ADAMTSL1: variants seen among roughly 807,000 people sequenced by gnomAD.
The protein encoded by ADAMTSL1 is ADAMTS-like protein 1.
Under a neutral mutation model 201.8 loss-of-function variants are expected in ADAMTSL1, and 126 were observed. The ratio of observed to expected loss-of-function variants is 0.62; its 90% confidence interval spans 0.54 to 0.72. The LOEUF (loss-of-function observed/expected upper bound fraction) is 0.72, where lower values mean the gene tolerates loss of function less well. Ranked by LOEUF, ADAMTSL1 falls within the 30% of genes least tolerant of loss-of-function variation. ADAMTSL1 has a pLI of 0.00. For missense variants in ADAMTSL1, 2,679 were observed against 2,277.8 expected (o/e 1.18, Z -3.59); for synonymous variants, 1,121 against 903.4 (o/e 1.24, Z -4.32).
intron 2 of ADAMTSL1, among the ~76,000 whole-genome samples, chr9:18,316,029 G>T (rs1224604683): frequency 1.3e-5 from 2 of 152,136 alleles, no homozygotes; most frequent in African/African-American, 4.8e-5. Context: ...GCTGGGCGTC[G>T]GGGGAGACAT....
chr9:18,453,175 A>G (rs1332151758), intron 2 of ADAMTSL1, among the ~76,000 whole-genome samples: 1 of 152,174 alleles, frequency 6.6e-6, no homozygotes, highest in Non-Finnish European at 1.5e-5. Context: ...GAGCAGTAGG[A>G]TGAGCCTCAC....
At chr9:18,584,488 C>T (rs1362070629) in intron 4 of ADAMTSL1, among the ~76,000 whole-genome samples, 1 of 152,172 alleles carries the variant, frequency 6.6e-6, no homozygotes, top group Non-Finnish European at 1.5e-5. Flanking sequence ...GAAAGTTCTA[C>T]TTTCCACTCA....
Position 18,753,316 on chromosome 9 carries a change from G to A in ADAMTSL1, c.2025G>A (p.Trp675Ter), listed in dbSNP as rs1468134931. ...PCPARWEIGK[W>*]SPCSLTCGVG... ...TTCTCAGGTGGGAAATTGGCAAGTG[G>A]AGTCCATGTAGTCTCACATGTGGGG... The change falls in exon 16 of 29, where the codon TGG becomes TGA. Residue 675 changes from tryptophan to a stop codon, truncating the protein, a stop_gained. Transcript: ENST00000380548. LOFTEE classifies it high-confidence loss of function. 6.2e-7 allele frequency: 1 copy of A among 1,611,842 alleles called. No homozygotes were observed. The highest frequency in any genetic ancestry group is 1.1e-5 in the South Asian group (1 of 90,420).
At chr9:18,055,828 C>T (rs572855201) in intron 1 of ADAMTSL1, among the ~76,000 whole-genome samples, 5 of 152,312 alleles carry the variant, frequency 3.3e-5, no homozygotes, top group African/African-American at 7.2e-5. Flanking sequence ...CCAAGTTATT[C>T]GTTTGCCATG....
At chr9:18,116,527 C>T (rs892033663) in intron 1 of ADAMTSL1, among the ~76,000 whole-genome samples, 5 of 152,130 alleles carry the variant, frequency 3.3e-5, no homozygotes, top group African/African-American at 9.7e-5. Flanking sequence ...TTGTTTCTCT[C>T]ACTGTGTTAT....
chr9:18,518,473 A>T (rs937543989), intron 2 of ADAMTSL1, among the ~76,000 whole-genome samples: 20 of 152,300 alleles, frequency 1.3e-4, no homozygotes, highest in African/African-American at 4.6e-4. Context: ...GCCGTAAAGG[A>T]CATGATTTCA....
intron 9 of ADAMTSL1, among the ~76,000 whole-genome samples, chr9:18,674,198 GCA>G (rs546082192): frequency 4.5e-4 from 26 of 58,020 alleles, no homozygotes; most frequent in East Asian, 2.8e-3. Context: ...ACACACACAG[GCA>G]CACACACACA....
intron 2 of ADAMTSL1, among the ~76,000 whole-genome samples, chr9:18,528,631 A>G (rs932254611): frequency 1.3e-5 from 2 of 152,102 alleles, no homozygotes; most frequent in Admixed American, 1.3e-4. Context: ...GGTTGATTAC[A>G]TGTCTTTGCT....
intron 2 of ADAMTSL1, among the ~76,000 whole-genome samples, chr9:18,333,004 C>G (rs535344827): frequency 4.0e-4 from 61 of 152,276 alleles, no homozygotes; most frequent in African/African-American, 1.4e-3. Context: ...TGGCACCTAG[C>G]AGGCATTATT....
chr9:18,758,112 C>A (rs754114023), intron 16 of ADAMTSL1, among the ~76,000 whole-genome samples: 1 of 152,180 alleles, frequency 6.6e-6, no homozygotes, highest in African/African-American at 2.4e-5. Flanking sequence ...TGCACTTGGC[C>A]TCTCTTGAGC....
At position 18,501,327 on chromosome 9, in the gene ADAMTSL1, A is replaced by G. The variant is rs375471435; in HGVS notation, c.64-3502A>G. 5.9e-5 allele frequency among the ~76,000 whole-genome samples: 9 copies of G among 152,112 alleles called. No individual in the cohort carries two copies. In the East Asian group the frequency reaches 1.5e-3, roughly 26 times the overall value. On this transcript the variant is annotated intron_variant, in intron 1 of 28. Coordinates refer to ENST00000380548, the MANE Select transcript of ADAMTSL1 (RefSeq NM_001040272.6). Reference sequence around the variant, plus strand: ...GGAGTTCAAGACCAGCTTGGGCAACATAGCGAAACCTCGTCTCTATGAAAA... The same window carrying G: ...GGAGTTCAAGACCAGCTTGGGCAACGTAGCGAAACCTCGTCTCTATGAAAA...
chr9:18,594,169 C>T (rs541337521), intron 4 of ADAMTSL1, among the ~76,000 whole-genome samples: 1 of 151,924 alleles, frequency 6.6e-6, no homozygotes. Context: ...TTTCCTTCAG[C>T]GTTCTGAGCG....
At chr9:18,896,647 C>A (rs1324135557) in intron 26 of ADAMTSL1, among the ~76,000 whole-genome samples, 5 of 152,178 alleles carry the variant, frequency 3.3e-5, no homozygotes, top group African/African-American at 4.8e-5. Flanking sequence ...AACCTTCACC[C>A]CCCAGCCAAG....
At chr9:18,803,004 T>G (rs1822896370) in intron 20 of ADAMTSL1, among the ~76,000 whole-genome samples, 1 of 152,258 alleles carries the variant, frequency 6.6e-6, no homozygotes. Context: ...CGTGTCTTCT[T>G]TGTTGTGGTG....
intron 1 of ADAMTSL1, among the ~76,000 whole-genome samples, chr9:17,944,659 C>T (rs1334795716): frequency 1.1e-3 from 142 of 123,614 alleles, no homozygotes; most frequent in South Asian, 2.4e-3. Flanking sequence ...GAAATAATGC[C>T]GCATATCTAC....
At chr9:18,379,042 G>C (rs1837431892) in intron 2 of ADAMTSL1, among the ~76,000 whole-genome samples, 1 of 152,156 alleles carries the variant, frequency 6.6e-6, no homozygotes, top group African/African-American at 2.4e-5. Context: ...AAACATGAGG[G>C]AGCCTCTACT....
intron 1 of ADAMTSL1, among the ~76,000 whole-genome samples, chr9:18,001,375 T>G (rs1476590390): frequency 6.6e-6 from 1 of 151,776 alleles, no homozygotes; most frequent in Non-Finnish European, 1.5e-5. Flanking sequence ...TCCCAGTGCT[T>G]AGATAAGAGA....
chr9:18,061,721 T>A (rs1261846218), intron 1 of ADAMTSL1, among the ~76,000 whole-genome samples: 1 of 152,252 alleles, frequency 6.6e-6, no homozygotes, highest in Non-Finnish European at 1.5e-5. Flanking sequence ...GTCATATCAT[T>A]TGAAAACAAG....
intron 2 of ADAMTSL1, among the ~76,000 whole-genome samples, chr9:18,448,285 T>C (rs547951390): frequency 6.6e-6 from 1 of 152,162 alleles, no homozygotes; most frequent in African/African-American, 2.4e-5. Context: ...AGCCAGCCAG[T>C]GTGGGAAGGA....
Sources: allele counts gnomAD v4.1 joint callset (sites outside exome capture counted in the v4.1 genomes callset), GRCh38; gene constraint gnomAD v4.1.1; transcripts MANE v1.5; gene names NCBI Gene and HGNC (gene_info 2026-07-23, HGNC 2026-07-21).